KAT2B: variants seen among roughly 807,000 people sequenced by gnomAD.
KAT2B encodes lysine acetyltransferase 2B.
In KAT2B, 36 loss-of-function variants were observed where a neutral mutation model predicts 105.9. The ratio of observed to expected loss-of-function variants is 0.34; its 90% confidence interval spans 0.26 to 0.45. KAT2B has a LOEUF of 0.45. Among genes scored for constraint, KAT2B ranks in the 20% least tolerant of loss-of-function variants. The pLI is 1.00. For missense variants in KAT2B, 820 were observed against 1,021.6 expected (o/e 0.80, Z 2.69); for synonymous variants, 397 against 377.9 (o/e 1.05, Z -0.59).
At chr3:20,040,859 A>G in intron 1 of KAT2B, 79 bp downstream of exon 1, 1 of 1,397,826 alleles carries the variant, frequency 7.2e-7, no homozygotes, top group Non-Finnish European at 9.3e-7. Context: ...TCCCGCTTCC[A>G]CCTCCGCCTC....
chr3:20,106,183 A>G (rs370407598), intron 5 of KAT2B, among the ~76,000 whole-genome samples: 1 of 152,364 alleles, frequency 6.6e-6, no homozygotes, highest in East Asian at 1.9e-4. Flanking sequence ...AATCATCATC[A>G]TGATGTGAAA....
chr3:20,147,996 A>G lies in KAT2B; in HGVS notation c.2153A>G (p.Lys718Arg), dbSNP rs1051153657. The change falls in exon 15 of 18, where the codon AAA (lysine) becomes AGA (arginine). Residue 718 changes from lysine (K) to arginine (R), a missense_variant. By Grantham distance (26) the Lys-to-Arg change is conservative. Around this residue, in one of 6 missense-constraint regions of KAT2B, gnomAD observed 227 missense variants for 292.9 expected, o/e 0.77. Coordinates refer to ENST00000263754, the MANE Select transcript of KAT2B (RefSeq NM_003884.5). ...ETGWKPSGKE[K>R]SKEPRDPDQL... The stretch of plus-strand genomic sequence containing the variant: ...GGCTGGAAACCGAGTGGAAAAGAGA[A>G]AAGGTAAGTATGACGGGCAAGAGGA... 1.9e-6 allele frequency: 3 copies of G among 1,613,532 alleles called. No individual in the cohort carries two copies. Among genetic ancestry groups the G allele is most frequent in the African/African-American group, 2.7e-5 (2 of 74,910 alleles).
intron 1 of KAT2B, among the ~76,000 whole-genome samples, chr3:20,057,650 A>C (rs899129402): frequency 6.6e-6 from 1 of 152,174 alleles, no homozygotes; most frequent in Admixed American, 6.6e-5. Context: ...ATTGTCTTGG[A>C]TTTAGCATTC....
intron 1 of KAT2B, among the ~76,000 whole-genome samples, chr3:20,042,667 G>A (rs11920809): frequency 0.018 from 2,760 of 152,254 alleles, 83 homozygotes; most frequent in African/African-American, 0.063. Context: ...TATTTATTGG[G>A]TTCTCATCAC....
At chr3:20,125,377 T>C (rs1699383416) in intron 9 of KAT2B, among the ~76,000 whole-genome samples, 1 of 152,018 alleles carries the variant, frequency 6.6e-6, no homozygotes, top group African/African-American at 2.4e-5. Flanking sequence ...TTTGAATCTG[T>C]CATCTCAAGG....
chr3:20,043,832 G>A (rs574933515), intron 1 of KAT2B, among the ~76,000 whole-genome samples: 2 of 152,224 alleles, frequency 1.3e-5, no homozygotes, highest in Admixed American at 6.5e-5. Flanking sequence ...ATATGAGCAA[G>A]CCCAAAAGGA....
At chr3:20,098,637 A>C (rs11715447) in intron 3 of KAT2B, among the ~76,000 whole-genome samples, 16,318 of 152,274 alleles carry the variant, frequency 0.11, 1,049 homozygotes, top group Non-Finnish European at 0.15. Flanking sequence ...AAATGGGCCA[A>C]GTTCCTAAAT....
At chr3:20,138,829 TTAAATC>T (rs1559330328) in intron 12 of KAT2B, among the ~76,000 whole-genome samples, 1 of 152,224 alleles carries the variant, frequency 6.6e-6, no homozygotes, top group Admixed American at 6.5e-5. Context: ...GGCTTTTTCT[TTAAATC>T]TTCAGAATGT....
At chr3:20,084,345 C>T (rs1213795319) in intron 2 of KAT2B, among the ~76,000 whole-genome samples, 1 of 152,186 alleles carries the variant, frequency 6.6e-6, no homozygotes, top group African/African-American at 2.4e-5. Context: ...TCTCCTGCTT[C>T]AGTGCTCCCC....
At chr3:20,062,240 TATATA>T (rs1698139076) in intron 1 of KAT2B, among the ~76,000 whole-genome samples, 1 of 48,260 alleles carries the variant, frequency 2.1e-5, no homozygotes, top group African/African-American at 9.0e-5. Flanking sequence ...ATATATAAAA[TATATA>T]ATATATAAAA....
intron 1 of KAT2B, 42 bp from the exon 2 acceptor site, chr3:20,072,291 G>A (rs1276400195): frequency 6.2e-7 from 1 of 1,601,086 alleles, no homozygotes; most frequent in East Asian, 2.2e-5. Flanking sequence ...GTCCACGGCT[G>A]CCTGTTAAAT....
At chr3:20,079,936 A>C (rs766735470) in intron 2 of KAT2B, among the ~76,000 whole-genome samples, 1 of 152,148 alleles carries the variant, frequency 6.6e-6, no homozygotes, top group African/African-American at 2.4e-5. Flanking sequence ...TTCTCTGCTC[A>C]TTTGGTATAA....
intron 7 of KAT2B, among the ~76,000 whole-genome samples, chr3:20,117,943 G>T (rs1350983282): frequency 6.6e-6 from 1 of 152,042 alleles, no homozygotes; most frequent in Admixed American, 6.6e-5. Flanking sequence ...AGAGGACAAA[G>T]AAATCCTGTA....
chr3:20,127,182 C>T (rs1699420573), intron 10 of KAT2B, among the ~76,000 whole-genome samples: 2 of 152,126 alleles, frequency 1.3e-5, no homozygotes, highest in Admixed American at 1.3e-4. Flanking sequence ...AAACCTCAGG[C>T]ACTTCTTAGG....
chr3:20,134,165 A>G (rs933398664), intron 11 of KAT2B, among the ~76,000 whole-genome samples: 13 of 152,022 alleles, frequency 8.6e-5, no homozygotes, highest in Non-Finnish European at 1.9e-4. Flanking sequence ...TTTTTTCTTT[A>G]AGAAGCCTTT....
intron 1 of KAT2B, among the ~76,000 whole-genome samples, chr3:20,062,628 A>T (rs1698158277): frequency 6.6e-6 from 1 of 150,932 alleles, no homozygotes; most frequent in African/African-American, 2.4e-5. Flanking sequence ...CGCCCAGCCA[A>T]TTTTTGTGTT....
chr3:20,106,246 T>G (rs374077988), intron 5 of KAT2B, among the ~76,000 whole-genome samples: 1 of 152,268 alleles, frequency 6.6e-6, no homozygotes. Flanking sequence ...ACCATCTTTA[T>G]TAGACATACA....
At position 20,114,998 on chromosome 3, in the gene KAT2B, C is replaced by T. The variant is rs372053800; in HGVS notation, c.1150+10C>T. 13 of 1,561,188 alleles carry T rather than the reference C, an allele frequency of 8.3e-6. No individual in the cohort carries two copies. The highest frequency in any genetic ancestry group is 4.1e-5 in the African/African-American group (3 of 73,702). ...CTAGGCATCCAAACAGGTAAGTTTC[C>T]TTTTACATGAATCAGAGAACAACCA... is the stretch of plus-strand genomic sequence containing the variant. On this transcript the variant is annotated intron_variant, in intron 7 of 17. Coordinates refer to ENST00000263754, the MANE Select transcript of KAT2B (RefSeq NM_003884.5).
chr3:20,127,701 G>A lies in KAT2B; in HGVS notation c.1749+152G>A, dbSNP rs538110204. 20 of 703,948 alleles carry A rather than the reference G, an allele frequency of 2.8e-5. No homozygotes were observed. The South Asian group carries it at 3.8e-4, about 13-fold the overall frequency. The allele number at this position is 703,948 out of a possible 1,614,324, so 43.6% of individuals were successfully genotyped here. Reference sequence around the variant, plus strand: ...TGGGAATAGTCCTCTCACTCCAATGGTCTCCAACCTTTTTGGCACCAGGGA... The same window carrying A: ...TGGGAATAGTCCTCTCACTCCAATGATCTCCAACCTTTTTGGCACCAGGGA... On this transcript the variant is annotated intron_variant, in intron 11 of 17. Transcript: ENST00000263754.
Sources: gnomAD v4.1 joint callset for allele counts (sites outside exome capture counted in the v4.1 genomes callset) on GRCh38, gnomAD v4.1.1 for gene constraint, gnomAD v4.1.1 regional missense constraint, MANE v1.5 for transcripts, NCBI Gene and HGNC (gene_info 2026-07-23, HGNC 2026-07-21) for gene names.